The following PCDHGB2 variants were observed in gnomAD, a reference collection of about 807,000 sequenced individuals.
PCDHGB2 encodes the protein protocadherin gamma-B2.
Under a neutral mutation model 59.3 loss-of-function variants are expected in PCDHGB2, and 55 were observed. The observed-to-expected ratio is 0.93, with a 90% CI of 0.75 to 1.16. PCDHGB2 has a LOEUF of 1.16. Among genes scored for constraint, PCDHGB2 ranks in the 50% most tolerant of loss-of-function variants. PCDHGB2 has a pLI of 0.00. For synonymous variants in PCDHGB2, 516 were observed against 512.0 expected (o/e 1.01, Z -0.11); for missense variants, 1,228 against 1,198.5 (o/e 1.02, Z -0.36).
chr5:141,410,785 G>T, intron 1 of PCDHGB2: 1 of 804,598 alleles, frequency 1.2e-6, no homozygotes, highest in Non-Finnish European at 1.8e-6. Context: ...TATGTATTTG[G>T]TTCATAAGTT....
intron 1 of PCDHGB2, chr5:141,405,358 A>T: frequency 6.2e-7 from 1 of 1,613,900 alleles, no homozygotes; most frequent in East Asian, 2.2e-5. Flanking sequence ...TTCCTATAGA[A>T]GACACCCCTT....
Position 141,454,796 on chromosome 5 carries a change from A to ATTT in PCDHGB2, c.2422-39984_2422-39982dup, listed in dbSNP as rs61612330. 3.3e-3 allele frequency among the ~76,000 whole-genome samples: 253 copies of ATTT among 77,450 alleles called. 31 individuals carry two copies. The highest frequency in any genetic ancestry group is 0.02 in the South Asian group (39 of 1,960). The allele number at this position is 77,450 out of a possible 152,430, so 50.8% of individuals were successfully genotyped here. ...AAGGAAATAATCCTCCATGGTTCTA[A>ATTT]TTTTTTTTTTTTTTTTTTTTTTTTT... On this transcript the variant is annotated intron_variant, in intron 1 of 3. Coordinates refer to ENST00000522605, the MANE Select transcript of PCDHGB2 (RefSeq NM_018923.3).
At chr5:141,388,940 C>A (rs762814414) in intron 1 of PCDHGB2, 1 of 1,613,966 alleles carries the variant, frequency 6.2e-7, no homozygotes, top group South Asian at 1.1e-5. Context: ...CTCTACCCAA[C>A]CTAATTATGG....
intron 1 of PCDHGB2, chr5:141,399,316 T>C (rs1281033457): frequency 6.2e-7 from 1 of 1,613,772 alleles, no homozygotes; most frequent in Non-Finnish European, 8.5e-7. Flanking sequence ...ATCCAAAAAT[T>C]CGTATAAGTT....
Position 141,360,300 on chromosome 5 carries a change from G to A in PCDHGB2, c.165G>A (p.Gly55=), listed in dbSNP as rs746090550. ...SVVGNLAKDL[G]LSVRDLPARK... is the part of the protein sequence containing the mutation. Reference sequence around the variant, plus strand: ...TAGGAAACCTCGCCAAGGATCTGGGGCTCAGCGTCCGGGACTTGCCAGCCC... The same window carrying A: ...TAGGAAACCTCGCCAAGGATCTGGGACTCAGCGTCCGGGACTTGCCAGCCC... The change falls in exon 1 of 4, where the codon GGG becomes GGA. Residue 55 remains glycine, a synonymous_variant. Transcript: ENST00000522605. The A allele has an allele frequency of 1.9e-6, 3 of 1,613,860 alleles. No homozygotes were observed. The highest frequency in any genetic ancestry group is 2.2e-5 in the East Asian group (1 of 44,888).
rs760316359 is a variant in PCDHGB2 at position 141,360,511 on chromosome 5, A to G, written c.376A>G (p.Ile126Val). Residue 126 changes from isoleucine (I) to valine (V), a missense_variant, in exon 1 of 4, where the codon ATA becomes GTA. This residue lies in a region of PCDHGB2 where 781 missense variants were observed against 721.6 expected (regional missense o/e 1.08). Coordinates refer to ENST00000522605, the MANE Select transcript of PCDHGB2 (RefSeq NM_018923.3). Reference sequence around the variant, plus strand: ...CTACATAGCAGTAATTGTGCAGGATATAAATGATAATACCCCGCTATTCAA... The same window carrying G: ...CTACATAGCAGTAATTGTGCAGGATGTAAATGATAATACCCCGCTATTCAA... ...IFYIAVIVQD[I>V]NDNTPLFKQT... 5.6e-6 allele frequency: 9 copies of G among 1,613,906 alleles called. No individual in the cohort carries two copies. In the East Asian group the frequency reaches 1.1e-4, roughly 20 times the overall value.
At chr5:141,376,186 C>T in intron 1 of PCDHGB2, 2 of 1,614,136 alleles carry the variant, frequency 1.2e-6, no homozygotes, top group Non-Finnish European at 1.7e-6. Flanking sequence ...CCGCGGTCTC[C>T]TGCGTCTTCC....
chr5:141,434,924 A>G (rs2097731722), intron 1 of PCDHGB2, among the ~76,000 whole-genome samples: 1 of 151,756 alleles, frequency 6.6e-6, no homozygotes, highest in African/African-American at 2.4e-5. Context: ...ATGTACATAT[A>G]TTTTATATAA....
rs1214853229 is a variant in PCDHGB2 at position 141,432,238 on chromosome 5, GAA to G, written c.2422-62568_2422-62567del. ...CCCAGATCACTTATTCCCTGGCTGA[GAA>G]CACCATCCAAGGGGCAAGCCTATCG... On this transcript the variant is annotated intron_variant, in intron 1 of 3. Coordinates refer to ENST00000522605, the MANE Select transcript of PCDHGB2 (RefSeq NM_018923.3). The surrounding 1 kb of genome is among the most constrained non-coding windows in gnomAD (Gnocchi z 6.0). 1 of 1,614,216 alleles carries G rather than the reference GAA, an allele frequency of 6.2e-7. No homozygotes were observed. The highest frequency in any genetic ancestry group is 2.2e-5 in the East Asian group (1 of 44,882).
Position 141,393,140 on chromosome 5 carries a change from G to A in PCDHGB2, c.2421+30584G>A, listed in dbSNP as rs756948310. The A allele has an allele frequency of 1.9e-6, 3 of 1,613,260 alleles. No individual in the cohort carries two copies. In the South Asian group the frequency reaches 3.3e-5, roughly 18 times the overall value. ...GGTGTCTGATAAATATTAACACCCT[G>A]GTTGAGGATAAAGGAAAACTCTTTG... On this transcript the variant is annotated intron_variant, in intron 1 of 3. Coordinates refer to ENST00000522605, the MANE Select transcript of PCDHGB2 (RefSeq NM_018923.3).
chr5:141,376,347 A>T (rs1218451115), intron 1 of PCDHGB2: 1 of 1,614,056 alleles, frequency 6.2e-7, no homozygotes. Context: ...ACCTATTCCC[A>T]CGAGGTCTCA....
At chr5:141,371,477 GCTGGGGA>G (rs1767781947) in intron 1 of PCDHGB2, 2 of 1,613,972 alleles carry the variant, frequency 1.2e-6, no homozygotes, top group African/African-American at 2.7e-5. Flanking sequence ...AAGATGCTGA[GCTGGGGA>G]CTGCCGTTGC....
chr5:141,423,624 T>A (rs756883871), intron 1 of PCDHGB2: 9 of 1,607,038 alleles, frequency 5.6e-6, no homozygotes, highest in African/African-American at 1.3e-5. Flanking sequence ...AAGACTCAGC[T>A]ATCATTTTAG....
rs1173771781 is a variant in PCDHGB2 at position 141,486,312 on chromosome 5, G to A, written c.2422-8495G>A. Reference sequence around the variant, plus strand: ...ATCAGTGTGCAGGATCCAGACTCAGGGTCAAACGGAGATGTGAGCCTCCGC... The same window carrying A: ...ATCAGTGTGCAGGATCCAGACTCAGAGTCAAACGGAGATGTGAGCCTCCGC... On this transcript the variant is annotated intron_variant, in intron 1 of 3. Coordinates refer to ENST00000522605, the MANE Select transcript of PCDHGB2 (RefSeq NM_018923.3). The surrounding 1 kb of genome is among the most constrained non-coding windows in gnomAD (Gnocchi z 5.0). The A allele has an allele frequency of 1.2e-6, 2 of 1,613,864 alleles. No individual in the cohort carries two copies. Among genetic ancestry groups the A allele is most frequent in the African/African-American group, 1.3e-5 (1 of 74,842 alleles).
intron 1 of PCDHGB2, among the ~76,000 whole-genome samples, chr5:141,482,791 G>T (rs1039924143): frequency 2.6e-5 from 4 of 152,168 alleles, no homozygotes; most frequent in African/African-American, 9.7e-5. Flanking sequence ...TGTGTGTGTG[G>T]CCGGGTACGG....
intron 1 of PCDHGB2, chr5:141,409,921 G>T (rs767370997): frequency 6.2e-7 from 1 of 1,613,404 alleles, no homozygotes; most frequent in Admixed American, 1.7e-5. Context: ...ACGGCTCCGC[G>T]TTCTTCGATA....
At chr5:141,405,955 CCTG>C (rs1293666113) in intron 1 of PCDHGB2, among the ~76,000 whole-genome samples, 4 of 152,056 alleles carry the variant, frequency 2.6e-5, no homozygotes, top group African/African-American at 9.7e-5. Context: ...TAATAATTAA[CCTG>C]CTGTCAACGT....
chr5:141,441,018 TG>T (rs1482478700), intron 1 of PCDHGB2: 1 of 152,164 alleles, frequency 6.6e-6, no homozygotes, highest in Non-Finnish European at 1.5e-5. Context: ...GATCAAATAG[TG>T]GAGAAATGAA....
rs748828282 is a variant in PCDHGB2 at position 141,491,412 on chromosome 5, C to T, written c.2422-3395C>T. The T allele has an allele frequency of 3.1e-6, 5 of 1,613,944 alleles. No homozygotes were observed. The African/African-American group carries it at 5.3e-5, about 17-fold the overall frequency. Reference sequence around the variant, plus strand: ...GCCTTCAGGGAAACGCAGACGGGGACGGGGGTGGAGGGCAGTGCTGCAGGC... The same window carrying T: ...GCCTTCAGGGAAACGCAGACGGGGATGGGGGTGGAGGGCAGTGCTGCAGGC... On this transcript the variant is annotated intron_variant, in intron 1 of 3. Coordinates refer to ENST00000522605, the MANE Select transcript of PCDHGB2 (RefSeq NM_018923.3). The surrounding 1 kb of genome is among the most constrained non-coding windows in gnomAD (Gnocchi z 6.9).
Sources: allele counts gnomAD v4.1 joint callset (sites outside exome capture counted in the v4.1 genomes callset), GRCh38; gene constraint gnomAD v4.1.1; regional missense constraint gnomAD v4.1.1; non-coding constraint Gnocchi (gnomAD v3.1); transcripts MANE v1.5; gene names NCBI Gene and HGNC (gene_info 2026-07-23, HGNC 2026-07-21).